The following GNG7 variants were observed in gnomAD, a reference collection of about 807,000 sequenced individuals.
GNG7 encodes G protein subunit gamma 7.
A neutral mutation model predicts 4.0 loss-of-function variants in GNG7; 1 was observed. The ratio of observed to expected loss-of-function variants is 0.25; its 90% CI spans 0.09 to 1.18. The LOEUF (loss-of-function observed/expected upper bound fraction) is 1.18, where lower values mean the gene tolerates loss of function less well. Among genes scored for constraint, GNG7 ranks in the 50% most tolerant of loss-of-function variants. The pLI, the probability that GNG7 is intolerant of heterozygous loss-of-function variation, is 0.50. For missense variants in GNG7, 86 were observed against 91.9 expected (o/e 0.94, Z 0.26); for synonymous variants, 34 against 36.9 (o/e 0.92, Z 0.29).
In GNG7 at chr19:2,687,540, C is replaced by A. The variant is rs980485528; in HGVS notation, c.-135+15106G>T. On this transcript the variant is annotated intron_variant, in intron 1 of 4. Coordinates refer to ENST00000382159, the MANE Select transcript of GNG7 (RefSeq NM_052847.3). ...TTGAGGTAGGAGAATCGCTTGAGCC[C>A]GGGAGGCAGAGGTTGCGGTGAGCCG... Among the ~76,000 whole-genome samples, 2 of 151,914 alleles carry A rather than the reference C, an allele frequency of 1.3e-5. 1 individual carries two copies. Among genetic ancestry groups the A allele is most frequent in the South Asian group, 4.2e-4 (2 of 4,804 alleles).
In GNG7 at chr19:2,633,497, A is replaced by ACGCGCG. The variant is rs769996939; in HGVS notation, c.-78+12726_-78+12727insCGCGCG. 0.012 allele frequency among the ~76,000 whole-genome samples: 1,492 copies of ACGCGCG among 121,348 alleles called. 21 individuals are homozygous for ACGCGCG. The highest frequency in any genetic ancestry group is 0.068 in the Middle Eastern group (17 of 250). 79.6% of individuals were successfully genotyped at this position (121,348 alleles called of 152,430 possible). On this transcript the variant is annotated intron_variant, in intron 2 of 4. Transcript: ENST00000382159. The surrounding 1 kb of genome is among the most constrained non-coding windows in gnomAD (Gnocchi z 5.9). ...CGCGCGCGCGCGCGCGCACACACAC[A>ACGCGCG]CACACACACACACACACACACACAC...
intron 3 of GNG7, among the ~76,000 whole-genome samples, chr19:2,548,241 G>A (rs1979191359): frequency 6.6e-6 from 1 of 152,138 alleles, no homozygotes; most frequent in South Asian, 2.1e-4. Flanking sequence ...CACTTTGGGA[G>A]GCCGAGGAGG....
intron 1 of GNG7, among the ~76,000 whole-genome samples, chr19:2,658,467 G>A (rs985528835): frequency 2.0e-5 from 3 of 151,770 alleles, no homozygotes; most frequent in South Asian, 2.1e-4. Flanking sequence ...ATGTACCCCC[G>A]TGTTCACAGC....
intron 2 of GNG7, among the ~76,000 whole-genome samples, chr19:2,558,250 G>GTTTTTTTTTT (rs57101652): frequency 1.4e-5 from 2 of 145,828 alleles, no homozygotes; most frequent in Non-Finnish European, 1.5e-5. Flanking sequence ...TTTTGTTTTT[G>GTTTTTTTTTT]TTTTTTTTTT....
intron 3 of GNG7, among the ~76,000 whole-genome samples, chr19:2,553,934 A>G (rs560180332): frequency 2.9e-5 from 4 of 136,398 alleles, no homozygotes; most frequent in South Asian, 2.1e-4. Flanking sequence ...AATATATTGT[A>G]TGTAATATAT....
chr19:2,661,320 G>GAA (rs1294197210), intron 1 of GNG7, among the ~76,000 whole-genome samples: 2 of 137,672 alleles, frequency 1.5e-5, no homozygotes, highest in African/African-American at 2.8e-5. Context: ...AAGAAAGAAA[G>GAA]AAAGAAAGAA....
At chr19:2,684,138 T>C (rs1388743136) in intron 1 of GNG7, among the ~76,000 whole-genome samples, 46 of 90,942 alleles carry the variant, frequency 5.1e-4, no homozygotes, top group African/African-American at 1.6e-3. Flanking sequence ...CCTGGCCATT[T>C]TTTTTTTTTT....
At chr19:2,555,243 C>G (rs1323235316) in intron 2 of GNG7, 55 bp from the exon 3 acceptor site, 3 of 152,138 alleles carry the variant, frequency 2.0e-5, no homozygotes, top group Non-Finnish European at 2.9e-5. Flanking sequence ...TTTTTACTTA[C>G]AAGGAACTCA....
At chr19:2,697,061 G>C (rs562620688) in intron 1 of GNG7, among the ~76,000 whole-genome samples, 1 of 152,202 alleles carries the variant, frequency 6.6e-6, no homozygotes, top group East Asian at 1.9e-4. Flanking sequence ...GACTGGTCTC[G>C]AACTCCTGAC....
At chr19:2,606,931 T>C (rs1981401501) in intron 2 of GNG7, among the ~76,000 whole-genome samples, 1 of 150,812 alleles carries the variant, frequency 6.6e-6, no homozygotes, top group Non-Finnish European at 1.5e-5. Flanking sequence ...TTTTGAACAG[T>C]AAACAAGGGC....
At chr19:2,595,814 C>G (rs1486585369) in intron 2 of GNG7, among the ~76,000 whole-genome samples, 1 of 151,926 alleles carries the variant, frequency 6.6e-6, no homozygotes, top group Non-Finnish European at 1.5e-5. Flanking sequence ...CTCCATATGG[C>G]TGTACGTATC....
chr19:2,554,181 A>T lies in GNG7; in HGVS notation c.-38+968T>A, dbSNP rs151338698. ...ATTATATATAATATATAATATATAT[A>T]TTTTTTTCTTTTCTTTAGAGACCTG... is the stretch of plus-strand genomic sequence containing the variant. On this transcript the variant is annotated intron_variant, in intron 3 of 4. Transcript: ENST00000382159. Among the ~76,000 whole-genome samples, 1,133 of 143,558 alleles carry T rather than the reference A, an allele frequency of 7.9e-3. 5 individuals are homozygous for T. Among genetic ancestry groups the T allele is most frequent in the African/African-American group, 0.015 (553 of 37,110 alleles). 94.2% of individuals were successfully genotyped at this position (143,558 alleles called of 152,430 possible). A position where few individuals can be genotyped will look rare whatever the true frequency, so the allele number is the denominator to read the frequency against.
chr19:2,599,662 C>A lies in GNG7; in HGVS notation c.-77-44474G>T, dbSNP rs956963516. Among the ~76,000 whole-genome samples, 95 of 152,280 alleles carry A rather than the reference C, an allele frequency of 6.2e-4. 2 individuals are homozygous for A. Among genetic ancestry groups the A allele is most frequent in the African/African-American group, 2.2e-3 (91 of 41,566 alleles). ...CATGAAAACCGGGGGTTAGGCCGGGCGCGGTGGCTCACGCCTGTAATCCCA... is the reference window on the plus strand; with the variant it reads ...CATGAAAACCGGGGGTTAGGCCGGGAGCGGTGGCTCACGCCTGTAATCCCA... On this transcript the variant is annotated intron_variant, in intron 2 of 4. Transcript: ENST00000382159.
At position 2,561,321 on chromosome 19, in the gene GNG7, C is replaced by T. The variant is rs1599391929; in HGVS notation, c.-77-6133G>A. On this transcript the variant is annotated intron_variant, in intron 2 of 4. Transcript: ENST00000382159. The stretch of plus-strand genomic sequence containing the variant: ...GAATGGAGTGGGTGGAGGCCAGGGA[C>T]GCTGTTCAGCACCCTGCAGTGCCCA... 2.6e-5 allele frequency among the ~76,000 whole-genome samples: 4 copies of T among 152,122 alleles called. No individual in the cohort carries two copies. In the South Asian group the frequency reaches 6.2e-4, roughly 24 times the overall value.
intron 1 of GNG7, among the ~76,000 whole-genome samples, chr19:2,692,554 G>A (rs1383312348): frequency 6.6e-6 from 1 of 151,200 alleles, no homozygotes; most frequent in Admixed American, 6.6e-5. Context: ...AGAATGGCGT[G>A]AACCCGGGAG....
chr19:2,583,926 A>C (rs1345357773), intron 2 of GNG7, among the ~76,000 whole-genome samples: 1 of 152,226 alleles, frequency 6.6e-6, no homozygotes, highest in African/African-American at 2.4e-5. Flanking sequence ...GAACAGTATC[A>C]ATAGTGTGAT....
chr19:2,530,136 G>A (rs1246353004), intron 3 of GNG7, among the ~76,000 whole-genome samples: 2 of 152,276 alleles, frequency 1.3e-5, no homozygotes, highest in Non-Finnish European at 2.9e-5. Flanking sequence ...GACAGGGCCG[G>A]GTGCGGCGGC....
chr19:2,573,503 A>G (rs10425927), intron 2 of GNG7, among the ~76,000 whole-genome samples: 63,325 of 151,810 alleles, frequency 0.42, 17,431 homozygotes, highest in African/African-American at 0.8. Flanking sequence ...CTTCTGCGCT[A>G]TCTGTGGAGA....
chr19:2,525,863 G>A lies in GNG7; in HGVS notation c.-37-5138C>T, dbSNP rs141328211. Among the ~76,000 whole-genome samples, 888 of 152,102 alleles carry A rather than the reference G, an allele frequency of 5.8e-3. 19 individuals are homozygous for A. Among genetic ancestry groups the A allele is most frequent in the Middle Eastern group, 0.02 (6 of 294 alleles). On this transcript the variant is annotated intron_variant, in intron 3 of 4. Transcript: ENST00000382159. ...CTCGCTCTGTCGCCCAGGCTGAAGT[G>A]CGGTGGCGCGATCTCAGCTCACTGC... is the stretch of plus-strand genomic sequence containing the variant.
Sources: gnomAD v4.1 joint callset for allele counts (sites outside exome capture counted in the v4.1 genomes callset) on GRCh38, gnomAD v4.1.1 for gene constraint, Gnocchi (gnomAD v3.1) non-coding constraint, MANE v1.5 for transcripts, NCBI Gene and HGNC (gene_info 2026-07-23, HGNC 2026-07-21) for gene names.